The following ITPR1 variants were observed in gnomAD, a reference collection of about 807,000 sequenced individuals.
ITPR1 encodes the protein inositol 1,4,5-trisphosphate-gated calcium channel ITPR1.
A neutral mutation model predicts 318.4 loss-of-function variants in ITPR1; 96 were observed. The ratio of observed to expected loss-of-function variants is 0.30; its 90% CI spans 0.26 to 0.36. ITPR1 has a LOEUF of 0.36. ITPR1 is among the 10% of genes least tolerant of loss of function. The pLI is 1.00. For missense variants in ITPR1, 2,440 were observed against 3,460.2 expected, an observed-to-expected ratio of 0.71 and a Z score of 7.40; for synonymous variants, 1,312 against 1,289.9, an observed-to-expected ratio of 1.02 and a Z score of -0.37.
chr3:4,743,226 C>T (rs1017254579), intron 44 of ITPR1, among the ~76,000 whole-genome samples: 4 of 152,204 alleles, frequency 2.6e-5, no homozygotes, highest in African/African-American at 4.8e-5. Flanking sequence ...ACACCTCACA[C>T]CCTTCTTCAC....
At chr3:4,534,262 C>G (rs1015632994) in intron 4 of ITPR1, among the ~76,000 whole-genome samples, 1 of 152,172 alleles carries the variant, frequency 6.6e-6, no homozygotes, top group Non-Finnish European at 1.5e-5. Context: ...CCGTACCACC[C>G]CCACACCTTT....
intron 4 of ITPR1, among the ~76,000 whole-genome samples, chr3:4,580,006 C>T (rs912527150): frequency 2.0e-5 from 3 of 152,186 alleles, no homozygotes; most frequent in South Asian, 2.1e-4. Context: ...GTCAGGAGAT[C>T]GAGACCATCC....
chr3:4,596,034 G>T (rs1278734380), intron 4 of ITPR1: 1 of 152,168 alleles, frequency 6.6e-6, no homozygotes, highest in Admixed American at 6.5e-5. Context: ...TATTGCAGGG[G>T]GTGGGGGCGT....
chr3:4,645,372 G>A lies in ITPR1; in HGVS notation c.625-15G>A, dbSNP rs556846663. On this transcript the variant is annotated splice_polypyrimidine_tract_variant and intron_variant, in intron 8 of 61. Transcript: ENST00000649015. ...TGAGGGGTACGTGAAAAAATAACTC[G>A]AATCTGTGTTTCAGGTCAATTCCGT... is the stretch of plus-strand genomic sequence containing the variant. 1.0e-5 allele frequency: 16 copies of A among 1,590,176 alleles called. No homozygotes were observed. The highest frequency in any genetic ancestry group is 1.7e-4 in the Middle Eastern group (1 of 5,960).
intron 2 of ITPR1, among the ~76,000 whole-genome samples, chr3:4,514,188 T>C (rs2082028950): frequency 6.6e-6 from 1 of 152,112 alleles, no homozygotes; most frequent in African/African-American, 2.4e-5. Context: ...GTATTACACC[T>C]CAGTGTCTTC....
At chr3:4,618,481 A>C (rs576680982) in intron 4 of ITPR1, among the ~76,000 whole-genome samples, 3 of 152,212 alleles carry the variant, frequency 2.0e-5, no homozygotes, top group African/African-American at 7.2e-5. Context: ...TTTTCTGGCT[A>C]AACTAATATT....
At chr3:4,688,662 G>A in intron 31 of ITPR1, 42 bp downstream of exon 31, 2 of 1,590,164 alleles carry the variant, frequency 1.3e-6, no homozygotes, top group Non-Finnish European at 1.7e-6. Context: ...GAGGGAGGAG[G>A]GCAGGGAAGA....
chr3:4,617,330 G>A (rs1307976840), intron 4 of ITPR1, among the ~76,000 whole-genome samples: 1 of 152,106 alleles, frequency 6.6e-6, no homozygotes, highest in Non-Finnish European at 1.5e-5. Context: ...GGTGCCAGCA[G>A]GTTTTGGTGT....
At chr3:4,507,814 T>G (rs1196389796) in intron 2 of ITPR1, among the ~76,000 whole-genome samples, 2 of 152,224 alleles carry the variant, frequency 1.3e-5, no homozygotes, top group Admixed American at 1.3e-4. Flanking sequence ...AGATTGATGC[T>G]TATTGCTCTT....
chr3:4,830,296 G>A (rs964820171), intron 60 of ITPR1, among the ~76,000 whole-genome samples: 1 of 151,922 alleles, frequency 6.6e-6, no homozygotes, highest in East Asian at 1.9e-4. Flanking sequence ...ATTATTAAGT[G>A]GCATTTCAGA....
At chr3:4,512,158 T>C (rs914554901) in intron 2 of ITPR1, among the ~76,000 whole-genome samples, 5 of 152,134 alleles carry the variant, frequency 3.3e-5, no homozygotes, top group Non-Finnish European at 7.4e-5. Flanking sequence ...TTTATTTTTA[T>C]TTTTTGTAGA....
intron 2 of ITPR1, among the ~76,000 whole-genome samples, chr3:4,506,802 C>T (rs1262914664): frequency 6.6e-6 from 1 of 152,156 alleles, no homozygotes; most frequent in African/African-American, 2.4e-5. Flanking sequence ...CAAACTTATA[C>T]AGTGAGAGTC....
intron 4 of ITPR1, among the ~76,000 whole-genome samples, chr3:4,597,876 T>C (rs77441003): frequency 2.0e-5 from 3 of 152,200 alleles, no homozygotes; most frequent in Non-Finnish European, 4.4e-5. Context: ...TTCTCACTAG[T>C]GTTCATGCCT....
intron 40 of ITPR1, among the ~76,000 whole-genome samples, chr3:4,719,619 G>C (rs1419709634): frequency 6.6e-6 from 1 of 152,202 alleles, no homozygotes; most frequent in Non-Finnish European, 1.5e-5. Flanking sequence ...GGCCCACTGA[G>C]GAAGGGACGC....
chr3:4,673,581 G>C (rs78487649), intron 21 of ITPR1, among the ~76,000 whole-genome samples, 194 bp downstream of exon 21: 1 of 74,230 alleles, frequency 1.3e-5, no homozygotes, highest in Admixed American at 1.4e-4. Context: ...TTTGGTTTTT[G>C]TTTGTTTGTT....
chr3:4,528,632 A>C (rs2083170028), intron 4 of ITPR1, among the ~76,000 whole-genome samples: 1 of 152,162 alleles, frequency 6.6e-6, no homozygotes, highest in Non-Finnish European at 1.5e-5. Context: ...TTTTGATTCT[A>C]ATCCATGACA....
At chr3:4,635,618 T>G (rs550639400) in intron 5 of ITPR1, among the ~76,000 whole-genome samples, 4 of 152,266 alleles carry the variant, frequency 2.6e-5, no homozygotes, top group South Asian at 4.1e-4. Flanking sequence ...GTGCTGGGAT[T>G]ACAGGCATGA....
chr3:4,731,326 A>G (rs776699951), intron 42 of ITPR1, among the ~76,000 whole-genome samples: 2 of 152,240 alleles, frequency 1.3e-5, no homozygotes, highest in Non-Finnish European at 2.9e-5. Flanking sequence ...TCATTAAAGC[A>G]TCTTGCACCG....
At chr3:4,839,866 C>T (rs2051205513) in intron 61 of ITPR1, among the ~76,000 whole-genome samples, 1 of 152,088 alleles carries the variant, frequency 6.6e-6, no homozygotes, top group South Asian at 2.1e-4. Context: ...CTTCAGAAAG[C>T]CCTTCCCCTG....
Sources: allele counts gnomAD v4.1 joint callset (sites outside exome capture counted in the v4.1 genomes callset), GRCh38; gene constraint gnomAD v4.1.1; transcripts MANE v1.5; gene names NCBI Gene and HGNC (gene_info 2026-07-23, HGNC 2026-07-21).